The following PKIB variants were observed in gnomAD, a reference collection of about 807,000 sequenced individuals.
PKIB encodes the protein cAMP-dependent protein kinase inhibitor beta, also known as PKI-beta.
Under a neutral mutation model 4.5 loss-of-function variants are expected in PKIB, and 2 were observed. The observed-to-expected ratio is 0.44, with a 90% CI of 0.18 to 1.39. The LOEUF is 1.39. Among genes scored for constraint, PKIB ranks in the 40% most tolerant of loss-of-function variants. The pLI is 0.27. For missense variants in PKIB, 94 were observed against 92.6 expected (o/e 1.02, Z -0.06); for synonymous variants, 38 against 36.0 (o/e 1.06, Z -0.20).
At chr6:122,531,747 T>G (rs1777266264) in intron 2 of PKIB, among the ~76,000 whole-genome samples, 1 of 152,228 alleles carries the variant, frequency 6.6e-6, no homozygotes, top group Non-Finnish European at 1.5e-5. Context: ...CATTGTTCTC[T>G]AATTGTCTAT....
intron 3 of PKIB, among the ~76,000 whole-genome samples, chr6:122,593,241 T>G (rs912686607): frequency 6.6e-6 from 1 of 152,228 alleles, no homozygotes; most frequent in African/African-American, 2.4e-5. Flanking sequence ...ACTTTCTTTA[T>G]TTTGGATGCT....
chr6:122,690,933 T>TA (rs397788048), intron 3 of PKIB, among the ~76,000 whole-genome samples: 26,113 of 110,424 alleles, frequency 0.24, 2,952 homozygotes, highest in South Asian at 0.37. Context: ...TATATATATA[T>TA]TTTTTTTTTT....
intron 2 of PKIB, among the ~76,000 whole-genome samples, chr6:122,572,885 A>T (rs1437775401): frequency 6.6e-6 from 1 of 152,144 alleles, no homozygotes; most frequent in East Asian, 1.9e-4. Flanking sequence ...GAAATGGATA[A>T]CTTCCTGGAA....
chr6:122,643,280 A>T (rs1776188948), intron 2 of PKIB: 1 of 152,186 alleles, frequency 6.6e-6, no homozygotes, highest in African/African-American at 2.4e-5. Context: ...GACTGCCATT[A>T]ACCAGCTATG....
chr6:122,576,715 C>A (rs9490484), intron 2 of PKIB, among the ~76,000 whole-genome samples: 23 of 99,632 alleles, frequency 2.3e-4, no homozygotes, highest in South Asian at 3.3e-4. Context: ...TATATATTTT[C>A]TTTTGTATAA....
At chr6:122,630,091 ATT>A (rs954748021) in intron 1 of PKIB, among the ~76,000 whole-genome samples, 1 of 151,586 alleles carries the variant, frequency 6.6e-6, no homozygotes, top group Admixed American at 6.6e-5. Context: ...CTATCTTCAA[ATT>A]TTTTTTTGTA....
At chr6:122,506,856 C>T (rs991196158) in intron 2 of PKIB, among the ~76,000 whole-genome samples, 17 of 150,808 alleles carry the variant, frequency 1.1e-4, no homozygotes, top group Admixed American at 1.3e-4. Flanking sequence ...CCCACCATCA[C>T]GCCCGGCTAA....
At chr6:122,484,987 G>T (rs934474965) in intron 2 of PKIB, among the ~76,000 whole-genome samples, 1 of 152,248 alleles carries the variant, frequency 6.6e-6, no homozygotes, top group Admixed American at 6.5e-5. Flanking sequence ...TTCAAATAAG[G>T]CAAATGCTGA....
chr6:122,691,924 T>C (rs1308563793), intron 3 of PKIB, among the ~76,000 whole-genome samples: 1 of 152,222 alleles, frequency 6.6e-6, no homozygotes, highest in Admixed American at 6.5e-5. Flanking sequence ...CCAGTAACAC[T>C]GTGGTTCTTG....
intron 3 of PKIB, among the ~76,000 whole-genome samples, chr6:122,715,100 T>A (rs996848872): frequency 5.3e-5 from 8 of 151,004 alleles, no homozygotes; most frequent in African/African-American, 1.2e-4. Flanking sequence ...AAAAAATATT[T>A]AAAAAAAAAG....
intron 3 of PKIB, among the ~76,000 whole-genome samples, chr6:122,714,233 C>T (rs1374734160): frequency 6.6e-6 from 1 of 152,140 alleles, no homozygotes; most frequent in African/African-American, 2.4e-5. Flanking sequence ...GTTAGCTATT[C>T]GGTCTGCCTC....
intron 2 of PKIB, among the ~76,000 whole-genome samples, chr6:122,512,955 T>C (rs963668112): frequency 2.6e-5 from 4 of 152,216 alleles, no homozygotes; most frequent in African/African-American, 9.7e-5. Context: ...TTCTTAGCCA[T>C]ATATTTGTAT....
At position 122,558,501 on chromosome 6, in the gene PKIB, T is replaced by C. The variant is rs112448040; in HGVS notation, c.-247-27420T>C. Among the ~76,000 whole-genome samples the C allele has an allele frequency of 5.7e-4, 87 of 152,276 alleles. 1 individual carries two copies. Among genetic ancestry groups the C allele is most frequent in the Middle Eastern group, 3.4e-3 (1 of 294 alleles). On this transcript the variant is annotated intron_variant, in intron 2 of 6. Coordinates refer to the PKIB transcript ENST00000392491. ...CCATCCAAACCTCACATGTTGGAAA[T>C]AGAGAAGTCTATAAGAAAAAATGGG...
chr6:122,657,881 T>C (rs920788191), intron 2 of PKIB, among the ~76,000 whole-genome samples: 1 of 152,200 alleles, frequency 6.6e-6, no homozygotes, highest in East Asian at 1.9e-4. Context: ...TTAAGGGACA[T>C]AACTAAAGAT....
intron 2 of PKIB, among the ~76,000 whole-genome samples, chr6:122,647,714 G>A (rs1055414229): frequency 4.6e-5 from 7 of 152,172 alleles, no homozygotes; most frequent in African/African-American, 1.4e-4. Flanking sequence ...TTAAATACAT[G>A]TGCACACACA....
chr6:122,614,228 G>A (rs1012729284), intron 1 of PKIB, among the ~76,000 whole-genome samples: 8 of 152,130 alleles, frequency 5.3e-5, no homozygotes, highest in Non-Finnish European at 7.4e-5. Context: ...TTTCCTGAAC[G>A]GGAAGAGGTA....
Position 122,503,038 on chromosome 6 carries a change from C to T in PKIB, c.-248+25099C>T, listed in dbSNP as rs977911245. On this transcript the variant is annotated intron_variant, in intron 2 of 6. Transcript: ENST00000392491. ...GATGGCCTAATTCCTGCTTCATATGCGGTCTTCTCTCTGTGTCTTCATGTA... is the reference window on the plus strand; with the variant it reads ...GATGGCCTAATTCCTGCTTCATATGTGGTCTTCTCTCTGTGTCTTCATGTA... Among the ~76,000 whole-genome samples the T allele has an allele frequency of 4.0e-4, 61 of 152,110 alleles. 2 individuals are homozygous for T. The highest frequency in any genetic ancestry group is 1.9e-4 in the East Asian group (1 of 5,194).
intron 3 of PKIB, among the ~76,000 whole-genome samples, chr6:122,711,850 G>A (rs1236501250): frequency 6.6e-6 from 1 of 152,114 alleles, no homozygotes; most frequent in Non-Finnish European, 1.5e-5. Flanking sequence ...AAAATTCTCT[G>A]TGGTAAAAAT....
intron 2 of PKIB, among the ~76,000 whole-genome samples, chr6:122,639,818 A>T (rs893611743): frequency 1.4e-4 from 21 of 152,154 alleles, no homozygotes; most frequent in Non-Finnish European, 2.1e-4. Flanking sequence ...GTGATAACTG[A>T]GTTGATTGGT....
Sources: gnomAD v4.1 joint callset for allele counts (sites outside exome capture counted in the v4.1 genomes callset) on GRCh38, gnomAD v4.1.1 for gene constraint, MANE v1.5 for transcripts, NCBI Gene and HGNC (gene_info 2026-07-23, HGNC 2026-07-21) for gene names.